The following CLSTN2 variants were observed in gnomAD, a reference collection of about 807,000 sequenced individuals.
CLSTN2 encodes the protein calsyntenin 2.
In CLSTN2, 48 loss-of-function variants were observed where a neutral mutation model predicts 101.2. The ratio of observed to expected loss-of-function variants is 0.47; its 90% CI spans 0.38 to 0.60. The LOEUF (loss-of-function observed/expected upper bound fraction) is 0.60. Among genes scored for constraint, CLSTN2 ranks in the 20% least tolerant of loss-of-function variants. The pLI is 0.00. For missense variants in CLSTN2, 1,160 were observed against 1,238.2 expected (o/e 0.94, Z 0.95); for synonymous variants, 481 against 463.6 (o/e 1.04, Z -0.48).
intron 5 of CLSTN2, among the ~76,000 whole-genome samples, chr3:140,447,092 C>T (rs1321856758): frequency 6.6e-6 from 1 of 152,218 alleles, no homozygotes; most frequent in African/African-American, 2.4e-5. Context: ...AACTGAGTAG[C>T]CTTCTGGTAA....
intron 1 of CLSTN2, among the ~76,000 whole-genome samples, chr3:140,163,745 G>T (rs1203656363): frequency 3.3e-5 from 5 of 151,038 alleles, no homozygotes; most frequent in Admixed American, 1.3e-4. Flanking sequence ...CTCTGAACCT[G>T]TTCCCTCATC....
At chr3:140,460,837 T>C (rs896882284) in intron 7 of CLSTN2, among the ~76,000 whole-genome samples, 3 of 152,174 alleles carry the variant, frequency 2.0e-5, no homozygotes, top group African/African-American at 7.2e-5. Context: ...TCACAGCAGA[T>C]GTAACAGTAA....
In CLSTN2 at chr3:140,410,589, T is replaced by G. The variant is rs147853941; in HGVS notation, c.637+5823T>G. Among the ~76,000 whole-genome samples, 34 of 152,216 alleles carry G rather than the reference T, an allele frequency of 2.2e-4. No individual in the cohort carries two copies. The East Asian group carries it at 5.6e-3, about 25-fold the overall frequency. Reference sequence around the variant, plus strand: ...TTTTCAAGCTGAAACAAAAGGATGCTCCTTGTTAATACAAAATCATATGAA... The same window carrying G: ...TTTTCAAGCTGAAACAAAAGGATGCGCCTTGTTAATACAAAATCATATGAA... On this transcript the variant is annotated intron_variant, in intron 4 of 16. Transcript: ENST00000458420.
intron 2 of CLSTN2, among the ~76,000 whole-genome samples, chr3:140,317,440 T>A (rs997993116): frequency 4.6e-5 from 7 of 150,738 alleles, no homozygotes; most frequent in African/African-American, 1.7e-4. Flanking sequence ...CTTCTGAGAG[T>A]GTCCCTCCCT....
chr3:140,219,559 G>A (rs1477142425), intron 2 of CLSTN2, among the ~76,000 whole-genome samples: 2 of 152,130 alleles, frequency 1.3e-5, no homozygotes, highest in African/African-American at 2.4e-5. Flanking sequence ...GTTGCTGCTC[G>A]TCATTCGGAG....
chr3:139,991,292 T>C (rs1272969431), intron 1 of CLSTN2, among the ~76,000 whole-genome samples: 1 of 152,258 alleles, frequency 6.6e-6, no homozygotes, highest in African/African-American at 2.4e-5. Flanking sequence ...AAATGCTAGA[T>C]TGTTTTAGGA....
intron 2 of CLSTN2, among the ~76,000 whole-genome samples, chr3:140,365,389 G>A (rs1337198566): frequency 6.6e-6 from 1 of 152,084 alleles, no homozygotes; most frequent in Non-Finnish European, 1.5e-5. Flanking sequence ...GATTTTTCAA[G>A]GAGACCCACT....
chr3:140,371,363 C>T, intron 2 of CLSTN2, among the ~76,000 whole-genome samples: 1 of 151,456 alleles, frequency 6.6e-6, no homozygotes, highest in East Asian at 2.0e-4. Context: ...CACTGGAACA[C>T]AGGCATTTGG....
chr3:139,945,000 GA>G (rs1405457133), intron 1 of CLSTN2, among the ~76,000 whole-genome samples: 2 of 152,122 alleles, frequency 1.3e-5, no homozygotes, highest in Admixed American at 6.5e-5. Flanking sequence ...TTGCTTCTGA[GA>G]ATGCTTAATT....
intron 6 of CLSTN2, among the ~76,000 whole-genome samples, chr3:140,458,574 C>T (rs78832336): frequency 0.021 from 3,174 of 152,266 alleles, 111 homozygotes; most frequent in African/African-American, 0.071. Flanking sequence ...TGTCGCCTCT[C>T]ACCTCAGCAC....
At position 140,064,412 on chromosome 3, in the gene CLSTN2, C is replaced by A. The variant is rs113681267; in HGVS notation, c.110-111539C>A. Among the ~76,000 whole-genome samples the A allele has an allele frequency of 3.9e-5, 6 of 152,308 alleles. 1 individual carries two copies. The highest frequency in any genetic ancestry group is 1.4e-4 in the African/African-American group (6 of 41,568). On this transcript the variant is annotated intron_variant, in intron 1 of 16. Coordinates refer to ENST00000458420, the MANE Select transcript of CLSTN2 (RefSeq NM_022131.3). ...AAAGTGGAGTAGAATGTCTTTCCTG[C>A]CTATGGAGAATCATGTTTTAGCACT...
rs1491524600 is a variant in CLSTN2, at chr3:140,240,152, G to GTCTCTC, written c.232+64097_232+64102dup. Among the ~76,000 whole-genome samples, 34 of 62,786 alleles carry GTCTCTC rather than the reference G, an allele frequency of 5.4e-4. 2 individuals are homozygous for GTCTCTC. The highest frequency in any genetic ancestry group is 2.0e-3 in the African/African-American group (32 of 15,654). The allele number at this position is 62,786 out of a possible 152,430, so 41.2% of individuals were successfully genotyped here. On this transcript the variant is annotated intron_variant, in intron 2 of 16. Transcript: ENST00000458420. The stretch of plus-strand genomic sequence containing the variant: ...ACCTGGTTTCTCTCTCTCTCTCTCT[G>GTCTCTC]TCTCTCTCTCTCTCTCTCTCTCTAT...
At chr3:140,240,303 T>TGC (rs1553724918) in intron 2 of CLSTN2, among the ~76,000 whole-genome samples, 16 of 141,734 alleles carry the variant, frequency 1.1e-4, no homozygotes, top group Non-Finnish European at 2.1e-4. Context: ...CATATATATA[T>TGC]ATACACACAC....
At chr3:140,531,515 G>T (rs1173697361) in intron 8 of CLSTN2, among the ~76,000 whole-genome samples, 2 of 152,126 alleles carry the variant, frequency 1.3e-5, no homozygotes, top group African/African-American at 4.8e-5. Flanking sequence ...AGTCGATGGA[G>T]ACAAGAGGAT....
At chr3:140,181,800 A>C (rs2010412999) in intron 2 of CLSTN2, among the ~76,000 whole-genome samples, 1 of 152,214 alleles carries the variant, frequency 6.6e-6, no homozygotes. Flanking sequence ...AAATGAAGAC[A>C]TTGAGGCTTT....
chr3:140,447,659 A>T (rs1465701895), intron 5 of CLSTN2, among the ~76,000 whole-genome samples: 2 of 152,196 alleles, frequency 1.3e-5, no homozygotes, highest in African/African-American at 4.8e-5. Context: ...CTTTCACCCT[A>T]CCTTGTGACC....
chr3:140,464,708 A>G (rs148028260), intron 7 of CLSTN2, among the ~76,000 whole-genome samples: 75 of 152,298 alleles, frequency 4.9e-4, no homozygotes, highest in African/African-American at 1.7e-3. Context: ...CTTCCTTTCT[A>G]TATTTCCTAA....
chr3:140,406,302 C>T (rs2088301214), intron 4 of CLSTN2, among the ~76,000 whole-genome samples: 1 of 152,140 alleles, frequency 6.6e-6, no homozygotes, highest in South Asian at 2.1e-4. Context: ...ACACTCTCAT[C>T]CCTGTCTTTA....
At chr3:140,475,174 C>T (rs1157451862) in intron 8 of CLSTN2, among the ~76,000 whole-genome samples, 1 of 152,170 alleles carries the variant, frequency 6.6e-6, no homozygotes, top group Non-Finnish European at 1.5e-5. Flanking sequence ...GAGACGTCTG[C>T]TGTGTTGCAG....
Sources: allele counts gnomAD v4.1 joint callset (sites outside exome capture counted in the v4.1 genomes callset), GRCh38; gene constraint gnomAD v4.1.1; transcripts MANE v1.5; gene names NCBI Gene and HGNC (gene_info 2026-07-23, HGNC 2026-07-21).